CCDC175: variants seen among roughly 807,000 people sequenced by gnomAD.
CCDC175 encodes coiled-coil domain containing 175.
Under a neutral mutation model 114.6 loss-of-function variants are expected in CCDC175, and 100 were observed. The observed-to-expected ratio is 0.87, with a 90% CI of 0.74 to 1.03. CCDC175 has a LOEUF of 1.03. Ranked by LOEUF, CCDC175 falls within the 50% of genes least tolerant of loss-of-function variation. The pLI is 0.00. For missense variants in CCDC175, 880 were observed against 917.8 expected, an observed-to-expected ratio of 0.96 and a Z score of 0.53; for synonymous variants, 306 against 308.7, an observed-to-expected ratio of 0.99 and a Z score of 0.09.
chr14:59,510,464 T>C (rs917157573), intron 19 of CCDC175, 182 bp downstream of exon 19: 13 of 584,984 alleles, frequency 2.2e-5, no homozygotes, highest in Admixed American at 1.7e-4. Context: ...AAAGGCAGAA[T>C]TGGATAACAC....
At chr14:59,568,450 C>A in intron 3 of CCDC175, 70 bp from the exon 4 acceptor site, 1 of 1,199,368 alleles carries the variant, frequency 8.3e-7, no homozygotes, top group East Asian at 3.0e-5. Flanking sequence ...GACTTTCACG[C>A]AAAAAAGCTT....
rs1314847633 is a variant in CCDC175 at position 59,510,801 on chromosome 14, A to G, written c.2150T>C (p.Val717Ala). The G allele has an allele frequency of 7.8e-6, 12 of 1,536,178 alleles. No homozygotes were observed. The highest frequency in any genetic ancestry group is 9.6e-6 in the Non-Finnish European group (11 of 1,146,040). Residue 717 changes from valine to alanine, a missense_variant, in exon 19 of 20, where the codon GTG becomes GCG. Transcript: ENST00000537690. ...TTGCAAGGTCTCTTCACCATTGTCC[A>G]CCAAGATCTAAAGAAATGGCATTTT... ...AEFQTTVKIL[V>A]DNGEETLQDI...
At chr14:59,542,453 T>G (rs1484281637) in intron 10 of CCDC175, among the ~76,000 whole-genome samples, 1 of 151,186 alleles carries the variant, frequency 6.6e-6, no homozygotes, top group Non-Finnish European at 1.5e-5. Flanking sequence ...GATCCAGCAC[T>G]TCAACTTTTA....
chr14:59,569,470 A>G (rs562752888), intron 3 of CCDC175, among the ~76,000 whole-genome samples: 6 of 152,188 alleles, frequency 3.9e-5, no homozygotes, highest in Non-Finnish European at 8.8e-5. Flanking sequence ...CAACTAACTA[A>G]ATTTGCATGG....
intron 8 of CCDC175, among the ~76,000 whole-genome samples, chr14:59,547,960 C>A (rs1240342591): frequency 6.6e-6 from 1 of 150,980 alleles, no homozygotes; most frequent in African/African-American, 2.4e-5. Context: ...GGTATATATC[C>A]CAAGGAAATG....
At chr14:59,568,597 T>C (rs533093128) in intron 3 of CCDC175, among the ~76,000 whole-genome samples, 3 of 152,312 alleles carry the variant, frequency 2.0e-5, no homozygotes, top group Admixed American at 6.5e-5. Flanking sequence ...CTTGGATCAA[T>C]TTCAGACAGG....
chr14:59,542,449 G>A (rs1183499327), intron 10 of CCDC175, among the ~76,000 whole-genome samples: 1 of 151,366 alleles, frequency 6.6e-6, no homozygotes, highest in Non-Finnish European at 1.5e-5. Context: ...CTTTGATCCA[G>A]CACTTCAACT....
chr14:59,540,900 T>C (rs1894744133), intron 10 of CCDC175, among the ~76,000 whole-genome samples, 154 bp from the exon 11 acceptor site: 1 of 152,184 alleles, frequency 6.6e-6, no homozygotes, highest in Non-Finnish European at 1.5e-5. Context: ...AGTGGCAGAC[T>C]GATAGACAAT....
chr14:59,562,627 C>T (rs535060952), intron 6 of CCDC175, among the ~76,000 whole-genome samples: 1 of 152,044 alleles, frequency 6.6e-6, no homozygotes, highest in Admixed American at 6.6e-5. Context: ...GGGGAAGGAC[C>T]CGGAGGCAAA....
chr14:59,533,858 A>G (rs567818071), intron 13 of CCDC175, among the ~76,000 whole-genome samples: 4 of 152,100 alleles, frequency 2.6e-5, no homozygotes, highest in Non-Finnish European at 4.4e-5. Context: ...GCCTGGTGGC[A>G]TGCACCTGTA....
intron 13 of CCDC175, 151 bp downstream of exon 13, chr14:59,537,872 G>T: frequency 8.1e-6 from 4 of 495,326 alleles, no homozygotes; most frequent in Non-Finnish European, 1.3e-5. Flanking sequence ...TCCTCTTCAG[G>T]AAAAGAAGAA....
intron 11 of CCDC175, 48 bp from the exon 12 acceptor site, chr14:59,538,888 T>A: frequency 6.8e-7 from 1 of 1,479,390 alleles, no homozygotes. Flanking sequence ...CATAGCAGTT[T>A]ACTAAAAAGA....
rs1327206234 is a variant in CCDC175 at position 59,532,719 on chromosome 14, T to C, written c.1624-809A>G. Among the ~76,000 whole-genome samples, 3 of 152,196 alleles carry C rather than the reference T, an allele frequency of 2.0e-5. No homozygotes were observed. The East Asian group carries it at 5.8e-4, about 29-fold the overall frequency. On this transcript the variant is annotated intron_variant, in intron 13 of 19. Transcript: ENST00000537690. ...CCTCCCTCCCCTGGCCAGAGGAGAA[T>C]GAGAATGGAAGCTACTCCTTGACGC...
In CCDC175 at chr14:59,545,145, G is replaced by C; in HGVS notation, c.1172+18C>G. On this transcript the variant is annotated intron_variant, in intron 9 of 19. Transcript: ENST00000537690. Reference sequence around the variant, plus strand: ...ATAATGATGGCATGTTGAATCACACGTGTGGGTAAAGACATACTCATCATG... The same window carrying C: ...ATAATGATGGCATGTTGAATCACACCTGTGGGTAAAGACATACTCATCATG... 1 of 1,532,146 alleles carries C rather than the reference G, an allele frequency of 6.5e-7. No individual in the cohort carries two copies. Among genetic ancestry groups the C allele is most frequent in the Non-Finnish European group, 8.7e-7 (1 of 1,144,608 alleles). The allele number at this position is 1,532,146 out of a possible 1,614,324, so 94.9% of individuals were successfully genotyped here.
At chr14:59,567,658 G>C (rs1896636365) in intron 4 of CCDC175, among the ~76,000 whole-genome samples, 1 of 152,138 alleles carries the variant, frequency 6.6e-6, no homozygotes, top group East Asian at 1.9e-4. Flanking sequence ...AGAAAATGAG[G>C]CTCACTAAGA....
At chr14:59,510,563 G>T in intron 19 of CCDC175, 83 bp downstream of exon 19, 1 of 1,380,302 alleles carries the variant, frequency 7.2e-7, no homozygotes, top group South Asian at 1.3e-5. Flanking sequence ...TAGTTGACAC[G>T]TTTTTTCTTC....
At chr14:59,536,939 C>G (rs1208926629) in intron 13 of CCDC175, among the ~76,000 whole-genome samples, 1 of 152,016 alleles carries the variant, frequency 6.6e-6, no homozygotes, top group African/African-American at 2.4e-5. Flanking sequence ...TGCCACCATG[C>G]CTGGCTAATT....
intron 7 of CCDC175, 111 bp from the exon 8 acceptor site, chr14:59,551,547 C>G (rs916028745): frequency 9.8e-6 from 5 of 511,244 alleles, no homozygotes; most frequent in African/African-American, 6.0e-5. Flanking sequence ...GTGAGTGACA[C>G]AGAAGATGGG....
At chr14:59,543,512 A>C in intron 9 of CCDC175, 58 bp from the exon 10 acceptor site, 1 of 547,592 alleles carries the variant, frequency 1.8e-6, no homozygotes, top group South Asian at 4.9e-5. Context: ...AAACACAAAT[A>C]AGAATTTCAA....
Sources: allele counts gnomAD v4.1 joint callset (sites outside exome capture counted in the v4.1 genomes callset), GRCh38; gene constraint gnomAD v4.1.1; transcripts MANE v1.5; gene names NCBI Gene and HGNC (gene_info 2026-07-23, HGNC 2026-07-21).